The following TRIT1 variants were observed in gnomAD, a reference collection of about 807,000 sequenced individuals.
TRIT1 encodes tRNA isopentenyltransferase 1, also known as tRNA dimethylallyltransferase.
A neutral mutation model predicts 51.2 loss-of-function variants in TRIT1; 43 were observed. The ratio of observed to expected loss-of-function variants is 0.84; its 90% CI spans 0.66 to 1.08. TRIT1 has a LOEUF of 1.08. TRIT1 is among the 50% of genes least tolerant of loss of function. The pLI is 0.00. For synonymous variants in TRIT1, 184 were observed against 203.9 expected (o/e 0.90, Z 0.83); for missense variants, 528 against 578.4 (o/e 0.91, Z 0.89).
rs1569944821 is a variant in TRIT1, at chr1:39,841,312, C to A, written c.*432G>T. On this transcript the variant is annotated 3_prime_UTR_variant, in exon 11 of 11. Transcript: ENST00000316891. ...CAAATCTAGAACTCCCAATATGTGG[C>A]TCACAAATACTTCAGTCATCTACAA... is the stretch of plus-strand genomic sequence containing the variant. The A allele has an allele frequency of 6.5e-6, 1 of 152,966 alleles. No homozygotes were observed. The highest frequency in any genetic ancestry group is 2.4e-5 in the African/African-American group (1 of 41,454). The allele number at this position is 152,966 out of a possible 1,614,324, so 9.5% of individuals were successfully genotyped here. A position where few individuals can be genotyped will look rare whatever the true frequency, so the allele number is the denominator to read the frequency against.
At chr1:39,860,729 C>T (rs1643190241) in intron 1 of TRIT1, among the ~76,000 whole-genome samples, 1 of 152,114 alleles carries the variant, frequency 6.6e-6, no homozygotes, top group African/African-American at 2.4e-5. Context: ...ATGGGTAGTT[C>T]ATTTCATTAT....
rs887910130 is a variant in TRIT1, at chr1:39,839,040, C to G, written c.*2704G>C. ...TTTCTACCCACTTACAACAGCACTG[C>G]CTGAACTGTGAGAAGTATCTAAAGC... On this transcript the variant is annotated 3_prime_UTR_variant, in exon 11 of 11. Coordinates refer to ENST00000316891, the MANE Select transcript of TRIT1 (RefSeq NM_017646.6). Among the ~76,000 whole-genome samples, 1 of 152,190 alleles carries G rather than the reference C, an allele frequency of 6.6e-6. No homozygotes were observed. Among genetic ancestry groups the G allele is most frequent in the African/African-American group, 2.4e-5 (1 of 41,434 alleles).
chr1:39,859,313 C>G (rs60565536), intron 1 of TRIT1, among the ~76,000 whole-genome samples: 3 of 128,064 alleles, frequency 2.3e-5, no homozygotes, highest in African/African-American at 5.6e-5. Flanking sequence ...AGGCCAGGTG[C>G]GGAGACTCAC....
intron 1 of TRIT1, among the ~76,000 whole-genome samples, chr1:39,864,068 T>C (rs564364733): frequency 6.6e-6 from 1 of 152,102 alleles, no homozygotes; most frequent in Admixed American, 6.5e-5. Context: ...GTGCTTGTAG[T>C]AGAGACGGGG....
At chr1:39,847,356 G>A (rs1642290614) in intron 7 of TRIT1, 59 bp from the exon 8 acceptor site, 1 of 1,551,608 alleles carries the variant, frequency 6.4e-7, no homozygotes, top group Non-Finnish European at 8.9e-7. Context: ...CTGCAGAGAG[G>A]CAGGCCCTCC....
chr1:39,850,002 C>T (rs1264854587), intron 5 of TRIT1, 117 bp downstream of exon 5: 1 of 1,027,238 alleles, frequency 9.7e-7, no homozygotes, highest in Non-Finnish European at 1.4e-6. Flanking sequence ...AAATTAATAG[C>T]TAATACTTGT....
intron 8 of TRIT1, among the ~76,000 whole-genome samples, chr1:39,845,704 C>T (rs1642184318): frequency 6.6e-6 from 1 of 152,240 alleles, no homozygotes; most frequent in South Asian, 2.1e-4. Context: ...TGTCTAAGCA[C>T]CTTTCAACAA....
intron 10 of TRIT1, 90 bp from the exon 11 acceptor site, chr1:39,842,003 A>C: frequency 7.2e-7 from 1 of 1,381,290 alleles, no homozygotes; most frequent in Non-Finnish European, 9.8e-7. Context: ...TTAACTATAC[A>C]ATGCTTTTCT....
chr1:39,845,888 G>A (rs1202545970), intron 8 of TRIT1, among the ~76,000 whole-genome samples: 4 of 152,130 alleles, frequency 2.6e-5, no homozygotes, highest in African/African-American at 4.8e-5. Context: ...GGACGATGCC[G>A]GCATACACAC....
intron 3 of TRIT1, 143 bp from the exon 4 acceptor site, chr1:39,853,019 A>G (rs1642676545): frequency 2.1e-6 from 2 of 952,470 alleles, no homozygotes; most frequent in East Asian, 2.6e-5. Flanking sequence ...GAAAATTCCA[A>G]TATGCTGTGG....
intron 1 of TRIT1, among the ~76,000 whole-genome samples, chr1:39,874,420 T>C (rs894639968): frequency 1.2e-4 from 19 of 152,134 alleles, no homozygotes; most frequent in African/African-American, 4.6e-4. Flanking sequence ...ACTACTGATA[T>C]AGCTATATAC....
intron 1 of TRIT1, among the ~76,000 whole-genome samples, chr1:39,874,041 TCTA>T (rs1643967255): frequency 6.6e-6 from 1 of 151,788 alleles, no homozygotes; most frequent in Non-Finnish European, 1.5e-5. Context: ...AAAATAAAAA[TCTA>T]CAACTATTTC....
intron 1 of TRIT1, among the ~76,000 whole-genome samples, chr1:39,872,459 C>T (rs538161584): frequency 7.4e-4 from 112 of 152,056 alleles, no homozygotes; most frequent in Non-Finnish European, 1.2e-3. Flanking sequence ...CAGGAGTAAT[C>T]ACTGAAACTA....
intron 1 of TRIT1, among the ~76,000 whole-genome samples, chr1:39,869,393 G>A (rs912279103): frequency 2.0e-5 from 3 of 152,232 alleles, no homozygotes; most frequent in Non-Finnish European, 2.9e-5. Context: ...ACGGAGTCTT[G>A]CTCACTCAGT....
chr1:39,847,487 C>T (rs1642299388), intron 7 of TRIT1, 61 bp downstream of exon 7: 13 of 1,566,840 alleles, frequency 8.3e-6, no homozygotes, highest in African/African-American at 1.4e-5. Flanking sequence ...TCAGACCATA[C>T]CAGCAGAGTA....
In TRIT1 at chr1:39,854,058, A is replaced by G. The variant is rs146838322; in HGVS notation, c.326T>C (p.Ile109Thr). The G allele has an allele frequency of 9.3e-6, 15 of 1,604,928 alleles. No homozygotes were observed. Among genetic ancestry groups the G allele is most frequent in the South Asian group, 3.3e-5 (3 of 90,026 alleles). The change falls in exon 3 of 11, where the codon ATA (isoleucine) becomes ACA (threonine). Residue 109 changes from isoleucine to threonine, a missense_variant. This residue lies in a region of TRIT1 where 468 missense variants were observed against 522.6 expected (regional missense o/e 0.90). Coordinates refer to ENST00000316891, the MANE Select transcript of TRIT1 (RefSeq NM_017646.6). Reference protein sequence around the residue: ...RNRATALIEDIFARDKIPIVV... With the variant: ...RNRATALIEDTFARDKIPIVV... Reference sequence around the variant, plus strand: ...AATAGGAATTTTGTCTCGGGCAAATATATCTTCAATGTGAACATTAAGAAA... The same window carrying G: ...AATAGGAATTTTGTCTCGGGCAAATGTATCTTCAATGTGAACATTAAGAAA...
chr1:39,877,328 TAAAAAAA>T (rs57539376), intron 1 of TRIT1, among the ~76,000 whole-genome samples: 97 of 113,074 alleles, frequency 8.6e-4, no homozygotes, highest in Non-Finnish European at 1.2e-3. Context: ...GTGCTTCTAT[TAAAAAAA>T]AAAAAAAAAA....
At chr1:39,854,818 G>A (rs1443394559) in intron 2 of TRIT1, among the ~76,000 whole-genome samples, 1 of 151,940 alleles carries the variant, frequency 6.6e-6, no homozygotes, top group Non-Finnish European at 1.5e-5. Flanking sequence ...ATAATTATCT[G>A]CTTTAAGGCG....
chr1:39,839,860 T>C lies in TRIT1; in HGVS notation c.*1884A>G, dbSNP rs1569939617. 6.6e-6 allele frequency among the ~76,000 whole-genome samples: 1 copy of C among 152,280 alleles called. No homozygotes were observed. Among genetic ancestry groups the C allele is most frequent in the East Asian group, 1.9e-4 (1 of 5,190 alleles). On this transcript the variant is annotated 3_prime_UTR_variant, in exon 11 of 11. Transcript: ENST00000316891. ...TTTGACGTACAATTATTAAAACTAG[T>C]TTTTCCTGCTTGTCTACTGAAACCT...
Sources: allele counts gnomAD v4.1 joint callset (sites outside exome capture counted in the v4.1 genomes callset), GRCh38; gene constraint gnomAD v4.1.1; regional missense constraint gnomAD v4.1.1; transcripts MANE v1.5; gene names NCBI Gene and HGNC (gene_info 2026-07-23, HGNC 2026-07-21).